The following THSD7A variants were observed in gnomAD, a reference collection of about 807,000 sequenced individuals.
THSD7A encodes thrombospondin type 1 domain containing 7A.
THSD7A carries 96 observed loss-of-function variants against 231.3 expected under a neutral mutation model. The ratio of observed to expected loss-of-function variants is 0.41; its 90% CI spans 0.35 to 0.49. The LOEUF (loss-of-function observed/expected upper bound fraction) is 0.49, where lower values mean the gene tolerates loss of function less well. THSD7A is among the 20% of genes least tolerant of loss of function. The pLI is 0.05. For missense variants in THSD7A, 2,290 were observed against 2,070.2 expected, an observed-to-expected ratio of 1.11 and a Z score of -2.06; for synonymous variants, 940 against 743.3, an observed-to-expected ratio of 1.26 and a Z score of -4.30.
Position 11,634,102 on chromosome 7 carries a change from T to C in THSD7A, c.1022+2028A>G, listed in dbSNP as rs1327013302. 6.6e-6 allele frequency among the ~76,000 whole-genome samples: 1 copy of C among 152,140 alleles called. No homozygotes were observed. The highest frequency in any genetic ancestry group is 1.5e-5 in the Non-Finnish European group (1 of 68,010). Reference sequence around the variant, plus strand: ...TTTTTATCTCTTCTTCTCTAGGACTTTCTTGATCACACATGATAATTCATA... The same window carrying C: ...TTTTTATCTCTTCTTCTCTAGGACTCTCTTGATCACACATGATAATTCATA... On this transcript the variant is annotated intron_variant, in intron 2 of 27. Coordinates refer to ENST00000423059, the MANE Select transcript of THSD7A (RefSeq NM_015204.3). The surrounding 1 kb of genome is among the most constrained non-coding windows in gnomAD (Gnocchi z 4.1).
intron 4 of THSD7A, among the ~76,000 whole-genome samples, chr7:11,557,960 G>A (rs1272680071): frequency 6.6e-6 from 1 of 152,130 alleles, no homozygotes; most frequent in Non-Finnish European, 1.5e-5. Flanking sequence ...TGTTATTTTT[G>A]TGTGTTTTTG....
intron 23 of THSD7A, among the ~76,000 whole-genome samples, chr7:11,389,756 G>A (rs1184410764): frequency 6.6e-6 from 1 of 150,758 alleles, no homozygotes; most frequent in Non-Finnish European, 1.5e-5. Flanking sequence ...GGTACCAGTT[G>A]TTCTTTTCCA....
chr7:11,809,445 A>G (rs1295773279), intron 1 of THSD7A, among the ~76,000 whole-genome samples: 1 of 152,166 alleles, frequency 6.6e-6, no homozygotes, highest in Non-Finnish European at 1.5e-5. Context: ...CAAAGATGAT[A>G]TTACATTTTA....
chr7:11,396,195 G>C (rs1783179953), intron 23 of THSD7A, among the ~76,000 whole-genome samples: 1 of 152,136 alleles, frequency 6.6e-6, no homozygotes, highest in African/African-American at 2.4e-5. Context: ...GAGAAAGCAG[G>C]AAAGATCTAA....
intron 4 of THSD7A, among the ~76,000 whole-genome samples, chr7:11,553,809 A>G (rs1042316291): frequency 1.3e-5 from 2 of 152,006 alleles, no homozygotes; most frequent in Admixed American, 1.3e-4. Context: ...TGGTTCCGAA[A>G]TATTCTTGTG....
rs150443782 is a variant in THSD7A, at chr7:11,426,308, C to T, written c.3249+358G>A. 1.6e-3 allele frequency among the ~76,000 whole-genome samples: 243 copies of T among 152,218 alleles called. 5 individuals carry two copies. Among genetic ancestry groups the T allele is most frequent in the Middle Eastern group, 6.8e-3 (2 of 294 alleles). Reference sequence around the variant, plus strand: ...ATACCCATCAGTTCAGAACAATCTCCAACCCACCCATTTTCAGTCCACTTG... The same window carrying T: ...ATACCCATCAGTTCAGAACAATCTCTAACCCACCCATTTTCAGTCCACTTG... On this transcript the variant is annotated intron_variant, in intron 15 of 27. Transcript: ENST00000423059.
intron 1 of THSD7A, among the ~76,000 whole-genome samples, chr7:11,829,990 C>A (rs1785147949): frequency 6.6e-6 from 1 of 152,110 alleles, no homozygotes; most frequent in Non-Finnish European, 1.5e-5. Context: ...TCACACACTG[C>A]AGATAGGCAG....
Position 11,451,394 on chromosome 7 carries a change from A to T in THSD7A, c.2606-3970T>A. On this transcript the variant is annotated intron_variant, in intron 11 of 27. Coordinates refer to ENST00000423059, the MANE Select transcript of THSD7A (RefSeq NM_015204.3). ...ATGCTCAAGTATTTATGGATGATAT[A>T]TATCTTACTTGGAAGTTGCTTTAAA... Among the ~76,000 whole-genome samples, 3 of 152,108 alleles carry T rather than the reference A, an allele frequency of 2.0e-5. 1 individual carries two copies. In the South Asian group the frequency reaches 6.2e-4, roughly 32 times the overall value.
intron 1 of THSD7A, among the ~76,000 whole-genome samples, chr7:11,686,780 T>C (rs753584178): frequency 3.3e-5 from 5 of 151,730 alleles, no homozygotes; most frequent in South Asian, 2.1e-4. Flanking sequence ...GAGCTAAACA[T>C]TGGGTACTTA....
At chr7:11,723,978 A>C (rs1052295474) in intron 1 of THSD7A, among the ~76,000 whole-genome samples, 1 of 151,908 alleles carries the variant, frequency 6.6e-6, no homozygotes, top group African/African-American at 2.4e-5. Context: ...ACCCAAAAGC[A>C]GTAAGGATGG....
intron 11 of THSD7A, among the ~76,000 whole-genome samples, chr7:11,453,672 A>G (rs1785215593): frequency 1.3e-5 from 2 of 152,028 alleles, no homozygotes; most frequent in South Asian, 4.1e-4. Context: ...ATCAACATGA[A>G]GATTGAGCAA....
Position 11,481,843 on chromosome 7 carries a change from C to T in THSD7A, c.1962G>A (p.Thr654=), listed in dbSNP as rs772100611. 3.2e-5 allele frequency: 51 copies of T among 1,613,588 alleles called. No individual in the cohort carries two copies. In the African/African-American group the frequency reaches 3.9e-4, roughly 12 times the overall value. Residue 654 remains threonine (T), a synonymous_variant, in exon 7 of 28, where the codon ACG becomes ACA. Transcript: ENST00000423059. ...SSCSHTCSGK[T]TEGKQIRARS... ...GTGCTCGTATCTGTTTCCCTTCTGT[C>T]GTTTTCCCTGAGCAGGTGTGTGAGC... is the stretch of plus-strand genomic sequence containing the variant.
rs1207520080 is a variant in THSD7A at position 11,831,200 on chromosome 7, C to T, written c.190+557G>A. ...AAAGTTGTACACTTTAAAAATCCTCCGACTCGCTAGTTAATAATTGAGTTT... is the reference window on the plus strand; with the variant it reads ...AAAGTTGTACACTTTAAAAATCCTCTGACTCGCTAGTTAATAATTGAGTTT... On this transcript the variant is annotated intron_variant, in intron 1 of 27. Transcript: ENST00000423059. This position sits in a 1 kb window ranked among gnomAD's most constrained non-coding sequence, Gnocchi z 5.0. Among the ~76,000 whole-genome samples, 1 of 152,118 alleles carries T rather than the reference C, an allele frequency of 6.6e-6. No homozygotes were observed. Among genetic ancestry groups the T allele is most frequent in the Non-Finnish European group, 1.5e-5 (1 of 68,038 alleles).
intron 6 of THSD7A, among the ~76,000 whole-genome samples, chr7:11,502,108 T>C (rs1262221288): frequency 6.6e-6 from 1 of 151,974 alleles, no homozygotes; most frequent in East Asian, 1.9e-4. Flanking sequence ...AAAAGACCAA[T>C]AATGAGCTCT....
At chr7:11,807,101 T>A (rs578137532) in intron 1 of THSD7A, among the ~76,000 whole-genome samples, 1 of 152,228 alleles carries the variant, frequency 6.6e-6, no homozygotes, top group Non-Finnish European at 1.5e-5. Context: ...ACTAAGTACT[T>A]TTTTACTCTG....
intron 4 of THSD7A, among the ~76,000 whole-genome samples, chr7:11,548,160 G>A (rs1789476572): frequency 6.6e-6 from 1 of 151,978 alleles, no homozygotes; most frequent in Non-Finnish European, 1.5e-5. Context: ...AACACAGTAA[G>A]AAATGACAAA....
intron 1 of THSD7A, among the ~76,000 whole-genome samples, chr7:11,773,610 A>G (rs936384992): frequency 1.2e-4 from 19 of 152,186 alleles, no homozygotes; most frequent in African/African-American, 2.7e-4. Context: ...CCCAAAGGGA[A>G]AACATCAAAC....
chr7:11,421,714 C>G (rs2115408242), intron 16 of THSD7A, among the ~76,000 whole-genome samples: 3 of 152,172 alleles, frequency 2.0e-5, no homozygotes, highest in Admixed American at 2.0e-4. Flanking sequence ...TGGAAGCAAA[C>G]TTTACCTATT....
At chr7:11,605,269 A>G (rs940026532) in intron 2 of THSD7A, among the ~76,000 whole-genome samples, 3 of 152,136 alleles carry the variant, frequency 2.0e-5, no homozygotes, top group Admixed American at 1.3e-4. Flanking sequence ...CTAATATGGA[A>G]AAAAACAAAT....
Sources: allele counts gnomAD v4.1 joint callset (sites outside exome capture counted in the v4.1 genomes callset), GRCh38; gene constraint gnomAD v4.1.1; non-coding constraint Gnocchi (gnomAD v3.1); transcripts MANE v1.5; gene names NCBI Gene and HGNC (gene_info 2026-07-23, HGNC 2026-07-21).